Variants in MEGF10 observed in about 807,000 individuals in gnomAD.
MEGF10 encodes the protein multiple EGF like domains 10, also known as multiple epidermal growth factor-like domains protein 10.
In MEGF10, 86 loss-of-function variants were observed where a neutral mutation model predicts 147.5. The observed-to-expected ratio is 0.58, with a 90% confidence interval of 0.49 to 0.70. The LOEUF is 0.70. MEGF10 is among the 30% of genes least tolerant of loss of function. The pLI is 0.00. For synonymous variants in MEGF10, 478 were observed against 525.5 expected (o/e 0.91, Z 1.24); for missense variants, 1,329 against 1,487.3 (o/e 0.89, Z 1.75).
chr5:127,321,023 T>C (rs370883899), intron 1 of MEGF10, among the ~76,000 whole-genome samples: 3 of 152,244 alleles, frequency 2.0e-5, no homozygotes, highest in East Asian at 3.8e-4. Context: ...TTAGTGAATA[T>C]GCATTCCAAG....
At chr5:127,295,601 T>C (rs1759461300) in intron 1 of MEGF10, among the ~76,000 whole-genome samples, 1 of 152,176 alleles carries the variant, frequency 6.6e-6, no homozygotes, top group Non-Finnish European at 1.5e-5. Flanking sequence ...TCTGCAAAAA[T>C]TGAACTATTG....
intron 1 of MEGF10, among the ~76,000 whole-genome samples, chr5:127,294,529 T>C (rs1303001354): frequency 6.6e-6 from 1 of 152,112 alleles, no homozygotes; most frequent in Non-Finnish European, 1.5e-5. Flanking sequence ...CTGGGCATGG[T>C]GCCTCACGCC....
At chr5:127,433,582 C>A in intron 14 of MEGF10, 73 bp downstream of exon 14, 1 of 1,510,138 alleles carries the variant, frequency 6.6e-7, no homozygotes, top group Non-Finnish European at 8.9e-7. Flanking sequence ...TGATCTCTGT[C>A]CCACCTCTCA....
chr5:127,395,163 C>T (rs1263602217), intron 5 of MEGF10, among the ~76,000 whole-genome samples: 1 of 152,176 alleles, frequency 6.6e-6, no homozygotes, highest in Non-Finnish European at 1.5e-5. Flanking sequence ...AAATATACCG[C>T]TGGCTCAGCA....
the MEGF10 span, among the ~76,000 whole-genome samples, chr5:127,252,716 T>G: frequency 6.6e-6 from 1 of 151,902 alleles, no homozygotes; most frequent in East Asian, 1.9e-4. Flanking sequence ...TTCAATTAGG[T>G]ATAGTTTTAA....
chr5:127,256,498 T>C, the MEGF10 span, among the ~76,000 whole-genome samples: 1 of 152,148 alleles, frequency 6.6e-6, no homozygotes, highest in Non-Finnish European at 1.5e-5. Context: ...TTTCTTTTAG[T>C]AATTTTCCTT....
At chr5:127,301,245 T>C (rs1222692624) in intron 1 of MEGF10, among the ~76,000 whole-genome samples, 1 of 152,190 alleles carries the variant, frequency 6.6e-6, no homozygotes, top group Non-Finnish European at 1.5e-5. Context: ...TGTCGTCCTT[T>C]TTCTCTTGAG....
chr5:127,291,747 G>C (rs1759266872), intron 1 of MEGF10, among the ~76,000 whole-genome samples: 1 of 152,116 alleles, frequency 6.6e-6, no homozygotes, highest in South Asian at 2.1e-4. Flanking sequence ...GGACTTTTAC[G>C]CCTGGTTTAA....
intron 7 of MEGF10, among the ~76,000 whole-genome samples, chr5:127,401,182 T>C (rs1764117913): frequency 6.6e-6 from 1 of 152,196 alleles, no homozygotes; most frequent in Non-Finnish European, 1.5e-5. Flanking sequence ...CCTACAGTCA[T>C]GCTTTTACCT....
the MEGF10 span, among the ~76,000 whole-genome samples, chr5:127,265,356 T>C: frequency 6.6e-6 from 1 of 152,246 alleles, no homozygotes; most frequent in African/African-American, 2.4e-5. Flanking sequence ...TCTTTGCTAT[T>C]GTGAATAGTG....
chr5:127,394,726 C>T (rs1763833738), intron 5 of MEGF10, among the ~76,000 whole-genome samples: 1 of 152,124 alleles, frequency 6.6e-6, no homozygotes, highest in African/African-American at 2.4e-5. Context: ...AACAATTAGG[C>T]TTCAGTCTCA....
At chr5:127,306,338 G>C (rs1262945042) in intron 1 of MEGF10, among the ~76,000 whole-genome samples, 1 of 152,162 alleles carries the variant, frequency 6.6e-6, no homozygotes. Context: ...CAGATTTTCA[G>C]AACAAAGTGT....
chr5:127,262,629 C>T, the MEGF10 span, among the ~76,000 whole-genome samples: 52 of 152,242 alleles, frequency 3.4e-4, no homozygotes, highest in East Asian at 9.9e-3. Context: ...ATTTATCACC[C>T]TCAAATCTTG....
At chr5:127,328,257 C>G (rs1000009951) in intron 1 of MEGF10, among the ~76,000 whole-genome samples, 2 of 152,110 alleles carry the variant, frequency 1.3e-5, no homozygotes, top group Non-Finnish European at 2.9e-5. Flanking sequence ...CTTGATCAAA[C>G]AATTCTTTTT....
intron 1 of MEGF10, among the ~76,000 whole-genome samples, chr5:127,299,363 C>G (rs1808378): frequency 1.3e-5 from 2 of 151,878 alleles, no homozygotes; most frequent in Non-Finnish European, 2.9e-5. Flanking sequence ...ACAATGAGTG[C>G]CATTAGAAAG....
Position 127,305,406 on chromosome 5 carries a change from G to A in MEGF10, c.-19+14350G>A, listed in dbSNP as rs537322380. Among the ~76,000 whole-genome samples the A allele has an allele frequency of 3.0e-4, 45 of 152,318 alleles. No individual in the cohort carries two copies. The South Asian group carries it at 8.9e-3, about 30-fold the overall frequency. On this transcript the variant is annotated intron_variant, in intron 1 of 24. Transcript: ENST00000503335. ...GAGGCTGAGTAGCAGAGGCCTGCCA[G>A]TGAGGAAACACTTCACCTAGCCTAG...
chr5:127,351,850 G>A (rs888615684), intron 4 of MEGF10, among the ~76,000 whole-genome samples: 17 of 152,234 alleles, frequency 1.1e-4, no homozygotes, highest in African/African-American at 3.9e-4. Context: ...GACTTGCAAA[G>A]TGCAATGGGA....
chr5:127,452,490 C>A (rs1766190420), intron 22 of MEGF10, among the ~76,000 whole-genome samples: 1 of 152,156 alleles, frequency 6.6e-6, no homozygotes, highest in Admixed American at 6.5e-5. Context: ...TGAAAGATCA[C>A]CAAGACGACC....
At chr5:127,419,083 C>T (rs1437992566) in intron 10 of MEGF10, 37 bp from the exon 11 acceptor site, 7 of 1,577,336 alleles carry the variant, frequency 4.4e-6, no homozygotes, top group Non-Finnish European at 6.0e-6. Context: ...TTTCAGTTGG[C>T]AAAATTGAAT....
Sources: gnomAD v4.1 joint callset for allele counts (sites outside exome capture counted in the v4.1 genomes callset) on GRCh38, gnomAD v4.1.1 for gene constraint, MANE v1.5 for transcripts, NCBI Gene and HGNC (gene_info 2026-07-23, HGNC 2026-07-21) for gene names.